The following SH3BP4 variants were observed in gnomAD, a reference collection of about 807,000 sequenced individuals.
SH3BP4 encodes the protein SH3 domain-binding protein 4.
SH3BP4 carries 33 observed loss-of-function variants against 65.5 expected under a neutral mutation model. The ratio of observed to expected loss-of-function variants is 0.50; its 90% confidence interval spans 0.38 to 0.67. The LOEUF (loss-of-function observed/expected upper bound fraction) is 0.67, where lower values mean the gene tolerates loss of function less well. Among genes scored for constraint, SH3BP4 ranks in the 30% least tolerant of loss-of-function variants. The pLI, the probability that SH3BP4 is intolerant of heterozygous loss-of-function variation, is 0.00. For synonymous variants in SH3BP4, 552 were observed against 545.5 expected (o/e 1.01, Z -0.17); for missense variants, 1,134 against 1,261.4 (o/e 0.90, Z 1.53).
In SH3BP4 at chr2:235,045,839, C is replaced by T. The variant is rs868672893; in HGVS notation, c.2478+2592C>T. ...TGCCTCTCATTTTTAGCATAGCTTTCGGTGTCCTTGTTCTGATGCCTTGGG... is the reference window on the plus strand; with the variant it reads ...TGCCTCTCATTTTTAGCATAGCTTTTGGTGTCCTTGTTCTGATGCCTTGGG... On this transcript the variant is annotated intron_variant, in intron 4 of 5. Coordinates refer to ENST00000392011, the MANE Select transcript of SH3BP4 (RefSeq NM_014521.3). This position sits in a 1 kb window ranked among gnomAD's most constrained non-coding sequence, Gnocchi z 4.3. Among the ~76,000 whole-genome samples the T allele has an allele frequency of 2.6e-5, 4 of 152,154 alleles. No individual in the cohort carries two copies. The highest frequency in any genetic ancestry group is 5.9e-5 in the Non-Finnish European group (4 of 68,020).
intron 2 of SH3BP4, among the ~76,000 whole-genome samples, chr2:235,000,907 C>T (rs566316486): frequency 1.3e-5 from 2 of 152,338 alleles, no homozygotes; most frequent in African/African-American, 4.8e-5. Flanking sequence ...TGTGGGCAGG[C>T]GTCACCTTGT....
At position 235,052,896 on chromosome 2, in the gene SH3BP4, TG is replaced by T. The variant is rs1559262811; in HGVS notation, c.2667+149del. The T allele has an allele frequency of 1.3e-6, 1 of 796,800 alleles. No individual in the cohort carries two copies. The highest frequency in any genetic ancestry group is 1.7e-5 in the African/African-American group (1 of 57,790). 49.4% of individuals were successfully genotyped at this position (796,800 alleles called of 1,614,324 possible). A position where few individuals can be genotyped will look rare whatever the true frequency, so the allele number is the denominator to read the frequency against. On this transcript the variant is annotated intron_variant, in intron 5 of 5. Transcript: ENST00000392011. The surrounding 1 kb of genome is among the most constrained non-coding windows in gnomAD (Gnocchi z 5.0). ...AAATGTGCACGCATGTGCCCAGCAC[TG>T]GGTGTGCCTCACTGAGTGGGAGCCA... is the stretch of plus-strand genomic sequence containing the variant.
chr2:235,048,553 G>T (rs1000717298), intron 4 of SH3BP4, among the ~76,000 whole-genome samples: 17 of 151,200 alleles, frequency 1.1e-4, no homozygotes, highest in Non-Finnish European at 1.5e-5. Context: ...TGCCCAGGCC[G>T]GTGTGGAACT....
intron 3 of SH3BP4, 21 bp from the exon 4 acceptor site, chr2:235,040,866 GT>G (rs1304282708): frequency 6.3e-7 from 1 of 1,598,840 alleles, no homozygotes; most frequent in Admixed American, 1.7e-5. Context: ...CTCACCATCT[GT>G]TTTCTTTGTG....
chr2:235,037,493 A>C (rs936865051), intron 3 of SH3BP4, among the ~76,000 whole-genome samples: 4 of 152,188 alleles, frequency 2.6e-5, no homozygotes, highest in African/African-American at 9.7e-5. Context: ...CAGTTGGATA[A>C]AACTGAATGA....
intron 4 of SH3BP4, among the ~76,000 whole-genome samples, chr2:235,047,683 G>A (rs935411048): frequency 6.6e-6 from 1 of 152,206 alleles, no homozygotes; most frequent in East Asian, 1.9e-4. Context: ...AGCAGCCCAC[G>A]GTGGCCTCAG....
At chr2:235,044,003 G>A (rs1461139016) in intron 4 of SH3BP4, among the ~76,000 whole-genome samples, 1 of 152,246 alleles carries the variant, frequency 6.6e-6, no homozygotes, top group Non-Finnish European at 1.5e-5. Flanking sequence ...GGCGGCCTGT[G>A]CTCTCGCCAT....
At chr2:235,050,982 C>T (rs563542977) in intron 4 of SH3BP4, among the ~76,000 whole-genome samples, 2 of 152,246 alleles carry the variant, frequency 1.3e-5, no homozygotes, top group Admixed American at 6.5e-5. Flanking sequence ...CAGGGGCTCA[C>T]GGGAGCCTCA....
rs764255685 is a variant in SH3BP4 at position 235,043,250 on chromosome 2, G to A, written c.2478+3G>A. On this transcript the variant is annotated splice_donor_region_variant and intron_variant, in intron 4 of 5. Coordinates refer to ENST00000392011, the MANE Select transcript of SH3BP4 (RefSeq NM_014521.3). ...CCTTCCAGAAGGAGCTTGTGATGGT[G>A]AGTGCTCAGCAGGTGCCTGGGCGTT... 1 of 1,561,082 alleles carries A rather than the reference G, an allele frequency of 6.4e-7. No individual in the cohort carries two copies. Among genetic ancestry groups the A allele is most frequent in the South Asian group, 1.2e-5 (1 of 83,770 alleles).
intron 2 of SH3BP4, among the ~76,000 whole-genome samples, chr2:235,003,959 C>T (rs918877806): frequency 6.6e-6 from 1 of 152,122 alleles, no homozygotes; most frequent in Non-Finnish European, 1.5e-5. Flanking sequence ...CTGTGGGGTA[C>T]ATTGCTCCAG....
intron 2 of SH3BP4, among the ~76,000 whole-genome samples, chr2:235,023,554 G>A (rs574904208): frequency 3.0e-4 from 45 of 151,982 alleles, no homozygotes; most frequent in Non-Finnish European, 5.9e-4. Flanking sequence ...CTCGGGCGGT[G>A]GGGTGGGGGG....
intron 1 of SH3BP4, among the ~76,000 whole-genome samples, chr2:234,982,418 G>T (rs1693415999): frequency 6.6e-6 from 1 of 152,194 alleles, no homozygotes; most frequent in Non-Finnish European, 1.5e-5. Context: ...GTCCAGTAGT[G>T]TGCAGCTCGT....
chr2:234,970,742 T>A (rs942596613), intron 1 of SH3BP4, among the ~76,000 whole-genome samples: 1 of 152,240 alleles, frequency 6.6e-6, no homozygotes, highest in Non-Finnish European at 1.5e-5. Flanking sequence ...TTTCCATGTC[T>A]GTATTCCCAG....
intron 2 of SH3BP4, among the ~76,000 whole-genome samples, chr2:235,020,007 T>C (rs1251513991): frequency 1.3e-5 from 2 of 152,182 alleles, no homozygotes; most frequent in East Asian, 3.8e-4. Flanking sequence ...AGCTGGAGCT[T>C]GTGGACCCCC....
At chr2:235,022,062 G>A (rs1694859766) in intron 2 of SH3BP4, among the ~76,000 whole-genome samples, 1 of 152,138 alleles carries the variant, frequency 6.6e-6, no homozygotes, top group Admixed American at 6.5e-5. Flanking sequence ...CATCAAGGGA[G>A]GCCTTTCTGT....
chr2:234,952,908 C>G lies in SH3BP4; in HGVS notation c.-207+738C>G, dbSNP rs894836618. 1.3e-5 allele frequency: 2 copies of G among 152,126 alleles called. No homozygotes were observed. Among genetic ancestry groups the G allele is most frequent in the Non-Finnish European group, 2.9e-5 (2 of 68,034 alleles). 9.4% of individuals were successfully genotyped at this position (152,126 alleles called of 1,614,324 possible). On this transcript the variant is annotated intron_variant, in intron 1 of 5. Transcript: ENST00000392011. This position sits in a 1 kb window ranked among gnomAD's most constrained non-coding sequence, Gnocchi z 6.5. ...GCGGGTGTCAGTTGGGACCCCAACCCTGGGTCCCGCGGCTCCTAGCCCGGG... is the reference window on the plus strand; with the variant it reads ...GCGGGTGTCAGTTGGGACCCCAACCGTGGGTCCCGCGGCTCCTAGCCCGGG...
At chr2:234,953,484 G>T (rs1038458867) in intron 1 of SH3BP4, among the ~76,000 whole-genome samples, 1 of 152,188 alleles carries the variant, frequency 6.6e-6, no homozygotes, top group Non-Finnish European at 1.5e-5. Context: ...TTCCCAGTGG[G>T]CTGGGGGCTT....
intron 1 of SH3BP4, among the ~76,000 whole-genome samples, chr2:234,972,134 GTT>G (rs944964472): frequency 8.7e-6 from 1 of 114,392 alleles, no homozygotes; most frequent in South Asian, 2.7e-4. Flanking sequence ...TTTGTTTTTT[GTT>G]TTTTTTTTGT....
intron 2 of SH3BP4, among the ~76,000 whole-genome samples, chr2:235,023,175 C>A (rs1694895884): frequency 6.6e-6 from 1 of 152,186 alleles, no homozygotes; most frequent in Non-Finnish European, 1.5e-5. Flanking sequence ...CAGCTGGCCT[C>A]CTTTTCACTT....
Sources: allele counts gnomAD v4.1 joint callset (sites outside exome capture counted in the v4.1 genomes callset), GRCh38; gene constraint gnomAD v4.1.1; non-coding constraint Gnocchi (gnomAD v3.1); transcripts MANE v1.5; gene names NCBI Gene and HGNC (gene_info 2026-07-23, HGNC 2026-07-21).